Variants in FAM13C observed in about 807,000 individuals in gnomAD.
The protein encoded by FAM13C is protein FAM13C.
Under a neutral mutation model 73.2 loss-of-function variants are expected in FAM13C, and 37 were observed. The ratio of observed to expected loss-of-function variants is 0.51; its 90% CI spans 0.39 to 0.67. FAM13C has a LOEUF of 0.67. FAM13C is among the 30% of genes least tolerant of loss of function. The probability of loss-of-function intolerance (pLI) is 0.00; values close to 1 mark genes in which losing one functional copy is unlikely to be tolerated. For missense variants in FAM13C, 589 were observed against 715.6 expected, an observed-to-expected ratio of 0.82 and a Z score of 2.02; for synonymous variants, 246 against 260.9, an observed-to-expected ratio of 0.94 and a Z score of 0.55.
chr10:59,278,864 A>G (rs1564516217), intron 6 of FAM13C, among the ~76,000 whole-genome samples: 1 of 151,966 alleles, frequency 6.6e-6, no homozygotes, highest in Non-Finnish European at 1.5e-5. Context: ...ACACACCATA[A>G]TGAATTAAGT....
intron 4 of FAM13C, among the ~76,000 whole-genome samples, chr10:59,319,072 AACACACACAC>A (rs59965630): frequency 0.1 from 13,719 of 134,602 alleles, 848 homozygotes; most frequent in East Asian, 0.31. Context: ...TAGCTATTCA[AACACACACAC>A]ACACACACAC....
intron 8 of FAM13C, among the ~76,000 whole-genome samples, 185 bp from the exon 9 acceptor site, chr10:59,264,351 T>C (rs1842811710): frequency 6.6e-6 from 1 of 152,226 alleles, no homozygotes; most frequent in Non-Finnish European, 1.5e-5. Flanking sequence ...CTGATGAAGT[T>C]ACCTCTAGGA....
Position 59,299,149 on chromosome 10 carries a change from A to C in FAM13C, c.507+3652T>G, listed in dbSNP as rs191635996. On this transcript the variant is annotated intron_variant, in intron 5 of 13. Transcript: ENST00000618804. ...TCACAAAGAACTGATACATATTCAA[A>C]GTGTTGAATATGCAAATTTGCCTGA... Among the ~76,000 whole-genome samples the C allele has an allele frequency of 8.0e-4, 122 of 152,318 alleles. 1 individual carries two copies. Among genetic ancestry groups the C allele is most frequent in the South Asian group, 1.7e-3 (8 of 4,830 alleles).
At chr10:59,328,755 G>C (rs1250127573) in intron 3 of FAM13C, among the ~76,000 whole-genome samples, 1 of 152,062 alleles carries the variant, frequency 6.6e-6, no homozygotes, top group Non-Finnish European at 1.5e-5. Context: ...TAAATTAAAT[G>C]GTTCTGTAGC....
At chr10:59,253,094 G>A (rs1311307700) in intron 11 of FAM13C, 96 bp from the exon 12 acceptor site, 1 of 1,252,802 alleles carries the variant, frequency 8.0e-7, no homozygotes, top group East Asian at 2.3e-5. Context: ...TCAATGCCAT[G>A]AAAACCAGTA....
intron 3 of FAM13C, among the ~76,000 whole-genome samples, chr10:59,332,707 CA>C (rs1220655753): frequency 6.6e-6 from 1 of 152,128 alleles, no homozygotes; most frequent in Non-Finnish European, 1.5e-5. Context: ...CAAAAGCAAG[CA>C]ATCAAAAATC....
chr10:59,300,181 C>T (rs1847423257), intron 5 of FAM13C, among the ~76,000 whole-genome samples: 1 of 152,222 alleles, frequency 6.6e-6, no homozygotes, highest in African/African-American at 2.4e-5. Context: ...TGAGCCCCAT[C>T]TGTCAGTCAC....
At chr10:59,336,257 T>A (rs1335619695) in intron 3 of FAM13C, among the ~76,000 whole-genome samples, 2 of 152,184 alleles carry the variant, frequency 1.3e-5, no homozygotes, top group Non-Finnish European at 2.9e-5. Flanking sequence ...ATATTATTGT[T>A]TTTTATTTTT....
At chr10:59,318,784 C>A (rs1340295104) in intron 4 of FAM13C, among the ~76,000 whole-genome samples, 1 of 152,026 alleles carries the variant, frequency 6.6e-6, no homozygotes, top group Non-Finnish European at 1.5e-5. Flanking sequence ...CAGGGAGTCT[C>A]AAAGCACTGT....
At position 59,252,881 on chromosome 10, in the gene FAM13C, G is replaced by A. The variant is rs775100071; in HGVS notation, c.1450C>T (p.Pro484Ser). ...DHLTYSNETE[P>S]VRALLPDEKK... ...TCATCTGGTAAAAGGGCCCTAACAG[G>A]CTCAGTCTCATTAGAGTAGGTGAGG... The change falls in exon 12 of 14, where the codon CCT becomes TCT. Residue 484 changes from proline (P) to serine (S), a missense_variant. By Grantham distance (74) the Pro-to-Ser change is moderately conservative. Coordinates refer to ENST00000618804, the MANE Select transcript of FAM13C (RefSeq NM_198215.4). 3 of 1,614,098 alleles carry A rather than the reference G, an allele frequency of 1.9e-6. No homozygotes were observed. The Admixed American group carries it at 5.0e-5, about 27-fold the overall frequency.
chr10:59,264,094 G>C lies in FAM13C; in HGVS notation c.1015C>G (p.Gln339Glu). ...TTTGGCTGGGATTTACCTTTGAGCT[G>C]TTTACGACCTTTAGCCAAATCATTC... Reference protein sequence around the residue: ...WMNDLAKGRKQLKELKLKLSE... With the variant: ...WMNDLAKGRKELKELKLKLSE... The change falls in exon 9 of 14, where the codon CAG becomes GAG. Residue 339 changes from glutamine to glutamate, a missense_variant. Physicochemically the swap from Gln to Glu is conservative, Grantham distance 29 (BLOSUM62 2). Coordinates refer to ENST00000618804, the MANE Select transcript of FAM13C (RefSeq NM_198215.4). 6.2e-7 allele frequency: 1 copy of C among 1,605,402 alleles called. No homozygotes were observed. Among genetic ancestry groups the C allele is most frequent in the Non-Finnish European group, 8.5e-7 (1 of 1,174,680 alleles).
At chr10:59,298,864 G>A (rs1847225970) in intron 5 of FAM13C, among the ~76,000 whole-genome samples, 1 of 152,124 alleles carries the variant, frequency 6.6e-6, no homozygotes, top group Non-Finnish European at 1.5e-5. Flanking sequence ...TGTTAAAATT[G>A]AAAGGCCTCA....
rs760417581 is a variant in FAM13C, at chr10:59,268,544, G to C, written c.942+9C>G. Reference sequence around the variant, plus strand: ...AATCCGCTCCTATGTCAAACCCCAGGGTTCTTACCCGGTATTTCTTTTCTT... The same window carrying C: ...AATCCGCTCCTATGTCAAACCCCAGCGTTCTTACCCGGTATTTCTTTTCTT... On this transcript the variant is annotated intron_variant, in intron 8 of 13. Transcript: ENST00000618804. The C allele has an allele frequency of 8.2e-5, 133 of 1,613,366 alleles. 3 individuals carry two copies. The highest frequency in any genetic ancestry group is 4.5e-5 in the East Asian group (2 of 44,870).
chr10:59,254,368 G>C lies in FAM13C; in HGVS notation c.1312C>G (p.Pro438Ala). The change falls in exon 11 of 14, where the codon CCT becomes GCT. Residue 438 changes from proline to alanine, a missense_variant. Transcript: ENST00000618804. ...YRIIKQILST[P>A]SLIPTIQEEE... ...CTTACAATTGTTGGAATAAGGGAAG[G>C]TGTTGACAAGATTTGCTTGATAATT... is the stretch of plus-strand genomic sequence containing the variant. The C allele has an allele frequency of 6.4e-7, 1 of 1,553,672 alleles. No homozygotes were observed. The highest frequency in any genetic ancestry group is 1.2e-5 in the South Asian group (1 of 82,450).
rs771497792 is a variant in FAM13C, at chr10:59,264,078, G to A, written c.1024+7C>T. 4 of 1,612,090 alleles carry A rather than the reference G, an allele frequency of 2.5e-6. No homozygotes were observed. Among genetic ancestry groups the A allele is most frequent in the Admixed American group, 1.7e-5 (1 of 59,966 alleles). On this transcript the variant is annotated splice_region_variant and intron_variant, in intron 9 of 13. Transcript: ENST00000618804. ...GTGAGGAAAAAAGATCTTTGGCTGGGATTTACCTTTGAGCTGTTTACGACC... is the reference window on the plus strand; with the variant it reads ...GTGAGGAAAAAAGATCTTTGGCTGGAATTTACCTTTGAGCTGTTTACGACC...
intron 5 of FAM13C, among the ~76,000 whole-genome samples, chr10:59,284,738 C>T (rs1315805680): frequency 7.1e-6 from 1 of 140,872 alleles, no homozygotes; most frequent in South Asian, 2.4e-4. Flanking sequence ...AACACCCCAC[C>T]TTCCACACAC....
rs1365293024 is a variant in FAM13C, at chr10:59,314,619, G to A, written c.443+9369C>T. On this transcript the variant is annotated intron_variant, in intron 4 of 13. Transcript: ENST00000618804. ...TTTCTTGTGTTGGTGCTAAACTTAA[G>A]GCACTAAGAAGACTTCAACAGCTGT... Among the ~76,000 whole-genome samples, 12 of 152,240 alleles carry A rather than the reference G, an allele frequency of 7.9e-5. No individual in the cohort carries two copies. In the East Asian group the frequency reaches 9.7e-4, roughly 12 times the overall value.
At chr10:59,252,770 G>A (rs184643442) in intron 12 of FAM13C, 29 bp downstream of exon 12, 1 of 1,606,134 alleles carries the variant, frequency 6.2e-7, no homozygotes, top group Non-Finnish European at 8.5e-7. Flanking sequence ...GAGTTAAGAG[G>A]AGACTCCACA....
intron 4 of FAM13C, among the ~76,000 whole-genome samples, chr10:59,308,930 T>C (rs557007230): frequency 4.6e-5 from 7 of 152,142 alleles, no homozygotes; most frequent in Non-Finnish European, 8.8e-5. Flanking sequence ...CAACTAAGCA[T>C]TAAGATATTT....
Sources: gnomAD v4.1 joint callset for allele counts (sites outside exome capture counted in the v4.1 genomes callset) on GRCh38, gnomAD v4.1.1 for gene constraint, MANE v1.5 for transcripts, NCBI Gene and HGNC (gene_info 2026-07-23, HGNC 2026-07-21) for gene names.